Variants in HDAC4 observed in about 807,000 individuals in gnomAD.
HDAC4 encodes the protein histone deacetylase A.
Under a neutral mutation model 135.1 loss-of-function variants are expected in HDAC4, and 16 were observed. The observed-to-expected ratio is 0.12, with a 90% CI of 0.08 to 0.18. The LOEUF is 0.18. Ranked by LOEUF, HDAC4 falls within the 10% of genes least tolerant of loss-of-function variation. The pLI is 1.00. For missense variants in HDAC4, 1,143 were observed against 1,511.8 expected (o/e 0.76, Z 4.05); for synonymous variants, 685 against 653.4 (o/e 1.05, Z -0.74).
intron 2 of HDAC4, among the ~76,000 whole-genome samples, chr2:239,291,208 G>A (rs529517443): frequency 6.6e-6 from 1 of 152,228 alleles, no homozygotes; most frequent in Non-Finnish European, 1.5e-5. Context: ...CGAGTGCCAG[G>A]GGGTGTTATG....
At chr2:239,377,469 T>A (rs1426653831) in intron 1 of HDAC4, among the ~76,000 whole-genome samples, 1 of 152,164 alleles carries the variant, frequency 6.6e-6, no homozygotes, top group Non-Finnish European at 1.5e-5. Flanking sequence ...CCAATGGGCC[T>A]CTCTGGACCC....
chr2:239,324,631 G>A (rs1483962177), intron 2 of HDAC4, among the ~76,000 whole-genome samples: 1 of 152,198 alleles, frequency 6.6e-6, no homozygotes, highest in African/African-American at 2.4e-5. Flanking sequence ...AGGATGGTCG[G>A]AAGAGCCCCA....
Position 239,286,950 on chromosome 2 carries a change from A to AG in HDAC4, c.23-50287dup, listed in dbSNP as rs2051171949. On this transcript the variant is annotated intron_variant, in intron 2 of 26. Coordinates refer to ENST00000543185, the MANE Select transcript of HDAC4 (RefSeq NM_001378414.1). ...AACAGGTCTACTAAAGCTACTCCTA[A>AG]GGGGTATGTGTTCATAAAGAAAAGA... 2.0e-5 allele frequency among the ~76,000 whole-genome samples: 3 copies of AG among 152,180 alleles called. No homozygotes were observed. The South Asian group carries it at 6.2e-4, about 32-fold the overall frequency.
chr2:239,074,056 T>TGAGGGGGGCAGCAGGACTGAGG (rs2034486301), intron 22 of HDAC4, among the ~76,000 whole-genome samples: 1 of 94,380 alleles, frequency 1.1e-5, no homozygotes, highest in African/African-American at 3.9e-5. Flanking sequence ...CAGGACTGAG[T>TGAGGGGGGCAGCAGGACTGAGG]GGGGAAGCAG....
rs2048403465 is a variant in HDAC4 at position 239,245,314 on chromosome 2, G to GA, written c.23-8651dup. 6.6e-6 allele frequency among the ~76,000 whole-genome samples: 1 copy of GA among 152,190 alleles called. No homozygotes were observed. Among genetic ancestry groups the GA allele is most frequent in the South Asian group, 2.1e-4 (1 of 4,834 alleles). On this transcript the variant is annotated intron_variant, in intron 2 of 26. Coordinates refer to ENST00000543185, the MANE Select transcript of HDAC4 (RefSeq NM_001378414.1). This position sits in a 1 kb window ranked among gnomAD's most constrained non-coding sequence, Gnocchi z 4.4. ...CTATGATCAGTCAAGCCCTGAAACA[G>GA]AAAATCCCAGGACAAAGGACTCAGT...
At chr2:239,057,966 G>C (rs1414584746) in intron 24 of HDAC4, among the ~76,000 whole-genome samples, 2 of 152,220 alleles carry the variant, frequency 1.3e-5, no homozygotes, top group African/African-American at 4.8e-5. Context: ...GATATAACCT[G>C]GGATGGGGCA....
intron 7 of HDAC4, among the ~76,000 whole-genome samples, chr2:239,152,199 C>A (rs2152937131): frequency 6.6e-6 from 1 of 152,364 alleles, no homozygotes; most frequent in South Asian, 2.1e-4. Context: ...TCAGCGTGAA[C>A]ATGGACTCAA....
At chr2:239,089,938 C>T (rs536473278) in intron 18 of HDAC4, 71 bp downstream of exon 18, 43 of 1,113,668 alleles carry the variant, frequency 3.9e-5, no homozygotes, top group African/African-American at 3.7e-4. Flanking sequence ...ACGGAGTGGG[C>T]GGCCCCTCCC....
intron 11 of HDAC4, among the ~76,000 whole-genome samples, chr2:239,129,778 C>T (rs1257431073): frequency 6.6e-6 from 1 of 152,202 alleles, no homozygotes; most frequent in Non-Finnish European, 1.5e-5. Context: ...AATGACAGTT[C>T]CCGAGTGAGC....
intron 24 of HDAC4, among the ~76,000 whole-genome samples, chr2:239,063,386 A>G (rs1382581163): frequency 1.3e-5 from 2 of 151,418 alleles, no homozygotes; most frequent in African/African-American, 4.9e-5. Context: ...TTGTATTTTT[A>G]GTAGAGACGG....
chr2:239,196,262 C>T (rs1277304356), intron 3 of HDAC4, among the ~76,000 whole-genome samples: 1 of 152,080 alleles, frequency 6.6e-6, no homozygotes, highest in Non-Finnish European at 1.5e-5. Flanking sequence ...AGTGTGCCAT[C>T]CATGCTGAAG....
rs369941007 is a variant in HDAC4 at position 239,049,686 on chromosome 2, G to T, written c.*3411C>A. 7.9e-5 allele frequency: 12 copies of T among 152,502 alleles called. No homozygotes were observed. Among genetic ancestry groups the T allele is most frequent in the African/African-American group, 2.9e-4 (12 of 41,574 alleles). The allele number at this position is 152,502 out of a possible 1,614,324, so 9.4% of individuals were successfully genotyped here. On this transcript the variant is annotated 3_prime_UTR_variant, in exon 27 of 27. Transcript: ENST00000543185. Reference sequence around the variant, plus strand: ...GAAATGGTCCTTCCCCTTGCAAACAGATTTTCAAAAGAAGTAAAGAAAAAC... The same window carrying T: ...GAAATGGTCCTTCCCCTTGCAAACATATTTTCAAAAGAAGTAAAGAAAAAC...
At chr2:239,267,690 T>G (rs59335126) in intron 2 of HDAC4, among the ~76,000 whole-genome samples, 3,219 of 152,360 alleles carry the variant, frequency 0.021, 113 homozygotes, top group African/African-American at 0.073. Flanking sequence ...CCTGCGCCCT[T>G]CTACACGGCA....
chr2:239,344,115 C>T (rs1467238978), intron 2 of HDAC4, among the ~76,000 whole-genome samples: 1 of 152,148 alleles, frequency 6.6e-6, no homozygotes, highest in African/African-American at 2.4e-5. Context: ...CAGTAGCTCC[C>T]GCCTCACACA....
In HDAC4 at chr2:239,309,718, G is replaced by A. The variant is rs1485493844; in HGVS notation, c.22+42960C>T. 6.6e-6 allele frequency among the ~76,000 whole-genome samples: 1 copy of A among 152,228 alleles called. No individual in the cohort carries two copies. Among genetic ancestry groups the A allele is most frequent in the Non-Finnish European group, 1.5e-5 (1 of 68,034 alleles). The stretch of plus-strand genomic sequence containing the variant: ...CAGCAAGTATCCTGGGAGCTGGGGG[G>A]CCTCAAGGGAGGCAATCCCCCCACA... On this transcript the variant is annotated intron_variant, in intron 2 of 26. Coordinates refer to ENST00000543185, the MANE Select transcript of HDAC4 (RefSeq NM_001378414.1). This position sits in a 1 kb window ranked among gnomAD's most constrained non-coding sequence, Gnocchi z 4.2.
intron 2 of HDAC4, among the ~76,000 whole-genome samples, chr2:239,273,488 T>G (rs185237587): frequency 9.8e-4 from 149 of 152,314 alleles, no homozygotes; most frequent in Admixed American, 2.0e-3. Context: ...CAGAAGTCTT[T>G]TACCTGATTC....
intron 4 of HDAC4, among the ~76,000 whole-genome samples, chr2:239,180,519 T>C (rs965288405): frequency 2.0e-5 from 3 of 152,122 alleles, no homozygotes; most frequent in Admixed American, 1.3e-4. Context: ...TGTGTGAAAT[T>C]TGAATCACAT....
rs34154007 is a variant in HDAC4, at chr2:239,117,565, CAAAAAAA to C, written c.1534-2262_1534-2256del. On this transcript the variant is annotated intron_variant, in intron 12 of 26. Transcript: ENST00000543185. ...GGGGAGAGAGGGATGCGGGAAGTGG[CAAAAAAA>C]AAAAAAAAAAAAAAAGCTCAGGAGA... 9.4e-3 allele frequency among the ~76,000 whole-genome samples: 1,098 copies of C among 116,262 alleles called. 19 individuals are homozygous for C. Among genetic ancestry groups the C allele is most frequent in the African/African-American group, 0.032 (960 of 30,242 alleles). The allele number at this position is 116,262 out of a possible 152,430, so 76.3% of individuals were successfully genotyped here. A position where few individuals can be genotyped will look rare whatever the true frequency, so the allele number is the denominator to read the frequency against.
At chr2:239,196,824 A>G (rs1048253708) in intron 3 of HDAC4, among the ~76,000 whole-genome samples, 2 of 152,164 alleles carry the variant, frequency 1.3e-5, no homozygotes, top group East Asian at 1.9e-4. Context: ...GGCAAGGAAG[A>G]GAGAGTGGGG....
Sources: gnomAD v4.1 joint callset for allele counts (sites outside exome capture counted in the v4.1 genomes callset) on GRCh38, gnomAD v4.1.1 for gene constraint, Gnocchi (gnomAD v3.1) non-coding constraint, MANE v1.5 for transcripts, NCBI Gene and HGNC (gene_info 2026-07-23, HGNC 2026-07-21) for gene names.